The following ATP10B variants were observed in gnomAD, a reference collection of about 807,000 sequenced individuals.
ATP10B encodes the protein phospholipid-transporting ATPase VB.
In ATP10B, 122 loss-of-function variants were observed where a neutral mutation model predicts 141.2. The ratio of observed to expected loss-of-function variants is 0.86; its 90% CI spans 0.75 to 1.00. The LOEUF (loss-of-function observed/expected upper bound fraction) is 1.00. Among genes scored for constraint, ATP10B ranks in the 50% least tolerant of loss-of-function variants. ATP10B has a pLI of 0.00. For synonymous variants in ATP10B, 685 were observed against 692.0 expected (o/e 0.99, Z 0.16); for missense variants, 1,876 against 1,825.3 (o/e 1.03, Z -0.51).
At chr5:160,923,502 G>A in the ATP10B span, among the ~76,000 whole-genome samples, 2 of 152,228 alleles carry the variant, frequency 1.3e-5, no homozygotes, top group African/African-American at 4.8e-5. Flanking sequence ...CGCTGTGAAA[G>A]TGTTATCATA....
chr5:160,634,465 A>T lies in ATP10B; in HGVS notation c.1270T>A (p.Leu424Met). ...GAGAAGATGTACTGGATCTGGCCCA[A>T]GTCCTCTGCGATGTTGAGGGCTCGA... ...QCRALNIAED[L>M]GQIQYIFSDK... is the part of the protein sequence containing the mutation. The change falls in exon 12 of 26, where the codon TTG becomes ATG. Residue 424 changes from leucine to methionine, a missense_variant. Transcript: ENST00000327245. 6.2e-7 allele frequency: 1 copy of T among 1,614,146 alleles called. No individual in the cohort carries two copies. Among genetic ancestry groups the T allele is most frequent in the Non-Finnish European group, 8.5e-7 (1 of 1,180,020 alleles).
At chr5:160,828,210 G>A (rs1367442019) in intron 1 of ATP10B, among the ~76,000 whole-genome samples, 5 of 152,104 alleles carry the variant, frequency 3.3e-5, no homozygotes, top group Non-Finnish European at 7.4e-5. Flanking sequence ...ATTGACAAAT[G>A]GGATCTAATT....
At chr5:160,575,027 T>C (rs973146984) in intron 24 of ATP10B, among the ~76,000 whole-genome samples, 1 of 152,182 alleles carries the variant, frequency 6.6e-6, no homozygotes, top group Non-Finnish European at 1.5e-5. Context: ...TATTTTTTTA[T>C]TCCATGAAAA....
chr5:160,797,825 A>ACGTG (rs1185572009), intron 1 of ATP10B, among the ~76,000 whole-genome samples: 35 of 152,156 alleles, frequency 2.3e-4, no homozygotes, highest in Middle Eastern at 3.4e-3. Context: ...GCATGGTGAC[A>ACGTG]CATGCCTGTC....
At chr5:160,605,636 GTTC>G (rs1757340563) in intron 19 of ATP10B, among the ~76,000 whole-genome samples, 4 of 152,288 alleles carry the variant, frequency 2.6e-5, no homozygotes, top group African/African-American at 9.6e-5. Context: ...ATTCTCTACT[GTTC>G]TTACCTGAAA....
intron 10 of ATP10B, among the ~76,000 whole-genome samples, chr5:160,636,986 ACCCACCC>A (rs1759432948): frequency 2.8e-5 from 3 of 106,964 alleles, no homozygotes; most frequent in African/African-American, 1.1e-4. Flanking sequence ...CCCTCCATCC[ACCCACCC>A]ACCCATCCAT....
the ATP10B span, among the ~76,000 whole-genome samples, chr5:160,881,283 G>T: frequency 1.2e-4 from 18 of 152,260 alleles, no homozygotes; most frequent in Middle Eastern, 3.4e-3. Context: ...TCCATTGAAT[G>T]ACAACACCAA....
intron 11 of ATP10B, among the ~76,000 whole-genome samples, chr5:160,635,528 A>T (rs1478069301): frequency 6.6e-6 from 1 of 152,192 alleles, no homozygotes; most frequent in African/African-American, 2.4e-5. Flanking sequence ...CTGCAAGATG[A>T]ATGGAAAATA....
upstream of ATP10B, chr5:160,852,338 A>T (rs1436142451): frequency 6.6e-6 from 1 of 152,196 alleles, no homozygotes; most frequent in Non-Finnish European, 1.5e-5. Context: ...CCTGTGAATC[A>T]ATGAGCCAGC....
At chr5:160,771,232 ATC>A (rs959223603) in intron 2 of ATP10B, among the ~76,000 whole-genome samples, 2 of 152,184 alleles carry the variant, frequency 1.3e-5, no homozygotes, top group African/African-American at 4.8e-5. Flanking sequence ...GTAAACATTC[ATC>A]TCTTTCTTTT....
At chr5:160,603,571 A>G in intron 20 of ATP10B, 1 of 213,194 alleles carries the variant, frequency 4.7e-6, no homozygotes. Context: ...TTGCTGGCAT[A>G]TAGGAGATAC....
Position 160,670,610 on chromosome 5 carries a change from G to A in ATP10B, c.528C>T (p.Ile176=). The change falls in exon 7 of 26, where the codon ATC becomes ATT. Residue 176 remains isoleucine (I), a synonymous_variant. Transcript: ENST00000327245. ...CWKDVRVGDF[I]QMKCNEIVPA... is the part of the protein sequence containing the mutation. ...GGACAATCTCATTGCATTTCATTTGGATGAAGTCTCCCACGCGCACATCCT... is the reference window on the plus strand; with the variant it reads ...GGACAATCTCATTGCATTTCATTTGAATGAAGTCTCCCACGCGCACATCCT... 1 of 1,613,882 alleles carries A rather than the reference G, an allele frequency of 6.2e-7. No individual in the cohort carries two copies. The highest frequency in any genetic ancestry group is 8.5e-7 in the Non-Finnish European group (1 of 1,179,856).
chr5:160,760,048 T>C (rs1768918211), intron 2 of ATP10B, among the ~76,000 whole-genome samples: 1 of 152,172 alleles, frequency 6.6e-6, no homozygotes, highest in African/African-American at 2.4e-5. Context: ...TAGAATTGTG[T>C]CTTTACGCAA....
the ATP10B span, among the ~76,000 whole-genome samples, chr5:160,865,966 G>A: frequency 2.0e-5 from 3 of 152,162 alleles, no homozygotes; most frequent in Non-Finnish European, 4.4e-5. Flanking sequence ...CCGATGGTGG[G>A]AACGTAAGCT....
At chr5:160,859,770 T>C in the ATP10B span, among the ~76,000 whole-genome samples, 1 of 151,884 alleles carries the variant, frequency 6.6e-6, no homozygotes, top group South Asian at 2.1e-4. Context: ...AGTATGGCCG[T>C]CAGGTATGCT....
chr5:160,682,619 C>T (rs1242701203), intron 6 of ATP10B, among the ~76,000 whole-genome samples: 2 of 152,176 alleles, frequency 1.3e-5, no homozygotes, highest in African/African-American at 4.8e-5. Flanking sequence ...AGGCTCACTG[C>T]AGCCCACGTG....
intron 2 of ATP10B, among the ~76,000 whole-genome samples, chr5:160,759,390 A>G (rs961676233): frequency 6.6e-6 from 1 of 152,254 alleles, no homozygotes; most frequent in East Asian, 1.9e-4. Flanking sequence ...GGTAAACACG[A>G]TAACTTATTC....
chr5:160,832,108 G>T (rs1424298614), intron 1 of ATP10B, among the ~76,000 whole-genome samples: 1 of 132,424 alleles, frequency 7.6e-6, no homozygotes, highest in South Asian at 2.3e-4. Flanking sequence ...AAGCAGTATA[G>T]CAATAATAAT....
intron 2 of ATP10B, among the ~76,000 whole-genome samples, chr5:160,769,400 G>A (rs746042344): frequency 6.6e-6 from 1 of 152,196 alleles, no homozygotes; most frequent in Non-Finnish European, 1.5e-5. Context: ...CATTCTACAA[G>A]GCCCACACAA....
Sources: gnomAD v4.1 joint callset for allele counts (sites outside exome capture counted in the v4.1 genomes callset) on GRCh38, gnomAD v4.1.1 for gene constraint, MANE v1.5 for transcripts, NCBI Gene and HGNC (gene_info 2026-07-23, HGNC 2026-07-21) for gene names.